ARFGEF3: variants seen among roughly 807,000 people sequenced by gnomAD.
The protein encoded by ARFGEF3 is brefeldin A-inhibited guanine nucleotide-exchange protein 3.
ARFGEF3 carries 96 observed loss-of-function variants against 221.7 expected under a neutral mutation model. The ratio of observed to expected loss-of-function variants is 0.43; its 90% CI spans 0.37 to 0.51. ARFGEF3 has a LOEUF of 0.51. Among genes scored for constraint, ARFGEF3 ranks in the 20% least tolerant of loss-of-function variants. The pLI is 0.00. For missense variants in ARFGEF3, 2,410 were observed against 2,789.9 expected, an observed-to-expected ratio of 0.86 and a Z score of 3.07; for synonymous variants, 1,145 against 1,126.8, an observed-to-expected ratio of 1.02 and a Z score of -0.32.
intron 12 of ARFGEF3, among the ~76,000 whole-genome samples, chr6:138,268,418 G>T (rs1333910215): frequency 6.6e-6 from 1 of 152,010 alleles, no homozygotes; most frequent in Non-Finnish European, 1.5e-5. Context: ...CTGCTTTCTC[G>T]GCTGAATCAC....
intron 4 of ARFGEF3, among the ~76,000 whole-genome samples, chr6:138,222,590 A>G (rs1175634399): frequency 1.3e-5 from 2 of 152,198 alleles, no homozygotes; most frequent in Non-Finnish European, 2.9e-5. Context: ...ATGCTGCTAC[A>G]TATCCTACAA....
In ARFGEF3 at chr6:138,336,577, C is replaced by T; in HGVS notation, c.*91C>T. On this transcript the variant is annotated 3_prime_UTR_variant, in exon 34 of 34. Transcript: ENST00000251691. Reference sequence around the variant, plus strand: ...GTTGCATTTTCCCCACCACTAGCCCCACTTAAACTACTACTACTGTCTCAG... The same window carrying T: ...GTTGCATTTTCCCCACCACTAGCCCTACTTAAACTACTACTACTGTCTCAG... The T allele has an allele frequency of 9.8e-7, 1 of 1,020,444 alleles. No individual in the cohort carries two copies. The highest frequency in any genetic ancestry group is 1.4e-6 in the Non-Finnish European group (1 of 703,258). 63.2% of individuals were successfully genotyped at this position (1,020,444 alleles called of 1,614,324 possible). A position where few individuals can be genotyped will look rare whatever the true frequency, so the allele number is the denominator to read the frequency against.
At chr6:138,197,911 T>A (rs924156478) in intron 2 of ARFGEF3, among the ~76,000 whole-genome samples, 9 of 152,208 alleles carry the variant, frequency 5.9e-5, no homozygotes, top group African/African-American at 1.9e-4. Flanking sequence ...ATGGAAAGTA[T>A]AAAAAAAGAA....
intron 4 of ARFGEF3, among the ~76,000 whole-genome samples, chr6:138,227,822 C>T (rs754499707): frequency 1.3e-5 from 2 of 152,144 alleles, no homozygotes; most frequent in Non-Finnish European, 2.9e-5. Flanking sequence ...AGATGTGATA[C>T]TGAGTACTTT....
chr6:138,175,974 T>G (rs546465420), intron 2 of ARFGEF3, among the ~76,000 whole-genome samples: 14 of 152,284 alleles, frequency 9.2e-5, no homozygotes, highest in Admixed American at 3.9e-4. Flanking sequence ...CTTGTTGAAT[T>G]GATCCCTTTA....
intron 15 of ARFGEF3, 86 bp from the exon 16 acceptor site, chr6:138,286,615 T>A: frequency 9.6e-7 from 1 of 1,039,302 alleles, no homozygotes; most frequent in Non-Finnish European, 1.5e-6. Flanking sequence ...TGAGTACTGC[T>A]CATTTGATAG....
Position 138,280,843 on chromosome 6 carries a change from C to A in ARFGEF3, c.2461+679C>A, listed in dbSNP as rs190264537. Among the ~76,000 whole-genome samples the A allele has an allele frequency of 6.6e-5, 10 of 152,266 alleles. No individual in the cohort carries two copies. In the East Asian group the frequency reaches 1.4e-3, roughly 21 times the overall value. ...TCCAGCCTGGGCAACAGGAGCAAGA[C>A]CCTGTCTCAAAACAAAAAGTTGGTT... On this transcript the variant is annotated intron_variant, in intron 14 of 33. Coordinates refer to ENST00000251691, the MANE Select transcript of ARFGEF3 (RefSeq NM_020340.5).
At chr6:138,299,654 T>A (rs955166081) in intron 22 of ARFGEF3, among the ~76,000 whole-genome samples, 7 of 152,162 alleles carry the variant, frequency 4.6e-5, no homozygotes, top group Admixed American at 4.6e-4. Context: ...TAGGCTGGTT[T>A]TCCCGCGAGG....
chr6:138,313,182 C>T (rs1044251239), intron 25 of ARFGEF3, among the ~76,000 whole-genome samples: 9 of 152,196 alleles, frequency 5.9e-5, no homozygotes, highest in African/African-American at 1.9e-4. Flanking sequence ...CTAATTAATT[C>T]ATTAAGACAT....
chr6:138,289,734 T>A, intron 17 of ARFGEF3, 84 bp from the exon 18 acceptor site: 1 of 1,446,334 alleles, frequency 6.9e-7, no homozygotes, highest in Non-Finnish European at 9.5e-7. Context: ...CCTTTTGCCC[T>A]TGCATGACAC....
At chr6:138,332,152 A>G (rs1430123610) in intron 32 of ARFGEF3, among the ~76,000 whole-genome samples, 1 of 152,216 alleles carries the variant, frequency 6.6e-6, no homozygotes, top group Non-Finnish European at 1.5e-5. Flanking sequence ...TGCCTTCACC[A>G]GACTGATTAA....
At chr6:138,175,548 G>C (rs1776923763) in intron 2 of ARFGEF3, among the ~76,000 whole-genome samples, 1 of 152,112 alleles carries the variant, frequency 6.6e-6, no homozygotes, top group Admixed American at 6.5e-5. Context: ...TGCTTCATAA[G>C]CAAAAGCCCA....
chr6:138,244,142 T>C (rs1006866507), intron 7 of ARFGEF3, among the ~76,000 whole-genome samples: 6 of 152,210 alleles, frequency 3.9e-5, no homozygotes, highest in African/African-American at 1.4e-4. Context: ...AAGGACTACT[T>C]GTGTGGGTTT....
chr6:138,236,024 G>A (rs1169509474), intron 5 of ARFGEF3, among the ~76,000 whole-genome samples: 1 of 152,154 alleles, frequency 6.6e-6, no homozygotes, highest in Non-Finnish European at 1.5e-5. Flanking sequence ...ACTAAAAAAA[G>A]AATACATTAG....
chr6:138,325,367 C>G (rs750383256), intron 31 of ARFGEF3, among the ~76,000 whole-genome samples: 3 of 152,172 alleles, frequency 2.0e-5, no homozygotes, highest in Non-Finnish European at 4.4e-5. Flanking sequence ...CCCAGCTGTC[C>G]TGAGGTAGTG....
rs544697411 is a variant in ARFGEF3, at chr6:138,344,600, T to C, written c.*8114T>C. 6.6e-5 allele frequency: 10 copies of C among 152,310 alleles called. No individual in the cohort carries two copies. In the South Asian group the frequency reaches 2.1e-3, roughly 32 times the overall value. 9.4% of individuals were successfully genotyped at this position (152,310 alleles called of 1,614,324 possible). ...TGTTGCTTGTGTTGTAGAATAAAGA[T>C]TCAAATGCATTAAAAATCTGGTACA... is the stretch of plus-strand genomic sequence containing the variant. On this transcript the variant is annotated 3_prime_UTR_variant, in exon 34 of 34. Coordinates refer to ENST00000251691, the MANE Select transcript of ARFGEF3 (RefSeq NM_020340.5).
chr6:138,170,957 C>A (rs550284899), intron 2 of ARFGEF3, among the ~76,000 whole-genome samples: 84 of 152,170 alleles, frequency 5.5e-4, no homozygotes, highest in African/African-American at 1.9e-3. Flanking sequence ...GGTAGAAGGA[C>A]AAAAAGAGGG....
At position 138,241,343 on chromosome 6, in the gene ARFGEF3, T is replaced by C. The variant is rs1778390668; in HGVS notation, c.544-1609T>C. ...TCTGCATAATTGATTCTTCCGTTAC[T>C]CCCATTTTTTTCTTCAAACATTCAC... On this transcript the variant is annotated intron_variant, in intron 6 of 33. Coordinates refer to ENST00000251691, the MANE Select transcript of ARFGEF3 (RefSeq NM_020340.5). Among the ~76,000 whole-genome samples the C allele has an allele frequency of 2.0e-5, 3 of 152,202 alleles. No homozygotes were observed. In the South Asian group the frequency reaches 6.2e-4, roughly 31 times the overall value.
At chr6:138,170,899 A>G (rs2114429480) in intron 2 of ARFGEF3, among the ~76,000 whole-genome samples, 186 bp downstream of exon 2, 1 of 152,330 alleles carries the variant, frequency 6.6e-6, no homozygotes, top group East Asian at 1.9e-4. Context: ...GAAGTCCAAG[A>G]TCAAGGGGCC....
Sources: allele counts gnomAD v4.1 joint callset (sites outside exome capture counted in the v4.1 genomes callset), GRCh38; gene constraint gnomAD v4.1.1; transcripts MANE v1.5; gene names NCBI Gene and HGNC (gene_info 2026-07-23, HGNC 2026-07-21).